PCDH11X: variants seen among roughly 807,000 people sequenced by gnomAD.
PCDH11X encodes the protein protocadherin-11 X-linked.
A neutral mutation model predicts 53.3 loss-of-function variants in PCDH11X; 18 were observed. The observed-to-expected ratio is 0.34, with a 90% CI of 0.23 to 0.50. The LOEUF is 0.50. PCDH11X is among the 20% of genes least tolerant of loss of function. The pLI is 0.98. For missense variants in PCDH11X, 570 were observed against 1,032.4 expected (o/e 0.55, Z 6.14); for synonymous variants, 279 against 393.3 (o/e 0.71, Z 3.44).
chrX:92,164,855 A>T (rs907422427), intron 6 of PCDH11X, among the ~76,000 whole-genome samples: 3 of 107,724 alleles, frequency 2.8e-5, no homozygotes, highest in African/African-American at 1.0e-4. Context: ...AATGAGTCTC[A>T]AGAGACCTGA....
intron 10 of PCDH11X, among the ~76,000 whole-genome samples, chrX:92,514,468 G>A (rs1415617976): frequency 1.8e-5 from 2 of 109,996 alleles, no homozygotes; most frequent in Non-Finnish European, 3.8e-5. Context: ...GGTGGCTCAC[G>A]CCAGTAATCC....
intron 6 of PCDH11X, among the ~76,000 whole-genome samples, chrX:91,914,348 A>G (rs1393369456): frequency 9.0e-6 from 1 of 111,436 alleles, no homozygotes; most frequent in Non-Finnish European, 1.9e-5. Context: ...ACGGTTCTAT[A>G]ACACCCCCAA....
chrX:92,403,454 G>A (rs753284549), intron 9 of PCDH11X, among the ~76,000 whole-genome samples: 11 of 101,731 alleles, frequency 1.1e-4, no homozygotes, highest in East Asian at 6.3e-4. Flanking sequence ...TAAATATCTC[G>A]TTTAGTCTGC....
intron 8 of PCDH11X, among the ~76,000 whole-genome samples, chrX:92,311,947 T>C (rs2068960142): frequency 8.9e-6 from 1 of 111,737 alleles, no homozygotes; most frequent in Admixed American, 9.5e-5. Context: ...TATGACTTTT[T>C]AGAAAAGAAA....
At chrX:92,504,041 C>CAAAA (rs763047477) in intron 10 of PCDH11X, among the ~76,000 whole-genome samples, 7 of 23,069 alleles carry the variant, frequency 3.0e-4, no homozygotes, top group Non-Finnish European at 4.2e-4. Context: ...CACCCAAGAT[C>CAAAA]AAAAAAAAAA....
At chrX:91,826,524 A>G (rs1467184228) in intron 4 of PCDH11X, among the ~76,000 whole-genome samples, 1 of 77,838 alleles carries the variant, frequency 1.3e-5, no homozygotes, top group Non-Finnish European at 2.4e-5. Context: ...AGGTAAACTC[A>G]TGCCACAGGA....
chrX:92,238,682 A>C (rs2067212231), intron 7 of PCDH11X, among the ~76,000 whole-genome samples: 1 of 111,943 alleles, frequency 8.9e-6, no homozygotes, highest in Admixed American at 9.6e-5. Context: ...ATGGCTGTCT[A>C]GACTGGCAAA....
intron 5 of PCDH11X, among the ~76,000 whole-genome samples, chrX:91,863,937 G>C (rs1230734288): frequency 9.0e-6 from 1 of 111,607 alleles, no homozygotes; most frequent in Non-Finnish European, 1.9e-5. Context: ...TTTTGTTGCC[G>C]TACTGACTAT....
Position 92,563,362 on chromosome X carries a change from T to A in PCDH11X, c.3368-54902T>A, listed in dbSNP as rs773077790. On this transcript the variant is annotated intron_variant, in intron 10 of 10. Transcript: ENST00000682573. ...ATGGCACCAAGAAGGATGGTGTTAA[T>A]CCTTTTATGAGAAATCTTCCCCCAT... is the stretch of plus-strand genomic sequence containing the variant. Among the ~76,000 whole-genome samples, 19 of 108,418 alleles carry A rather than the reference T, an allele frequency of 1.8e-4. 1 individual carries two copies. Among genetic ancestry groups the A allele is most frequent in the Admixed American group, 1.5e-3 (15 of 9,978 alleles). The allele number at this position is 108,418 out of a possible 115,157, so 94.1% of individuals were successfully genotyped here. A position where few individuals can be genotyped will look rare whatever the true frequency, so the allele number is the denominator to read the frequency against.
intron 6 of PCDH11X, among the ~76,000 whole-genome samples, chrX:92,032,518 T>G (rs1432652995): frequency 1.8e-5 from 2 of 110,997 alleles, no homozygotes; most frequent in African/African-American, 6.6e-5. Flanking sequence ...CAGTGCTATG[T>G]TGAATAACAA....
intron 8 of PCDH11X, among the ~76,000 whole-genome samples, chrX:92,299,032 G>T (rs184737454): frequency 9.3e-4 from 104 of 111,510 alleles, no homozygotes; most frequent in African/African-American, 3.1e-3. Flanking sequence ...GGGTCTAGCT[G>T]CTGGGGTGAT....
At chrX:92,488,583 A>T (rs1287461856) in intron 10 of PCDH11X, among the ~76,000 whole-genome samples, 1 of 110,843 alleles carries the variant, frequency 9.0e-6, no homozygotes, top group Non-Finnish European at 1.9e-5. Flanking sequence ...TATTTTTATT[A>T]TATACCTGTA....
At chrX:92,160,136 A>T in intron 6 of PCDH11X, among the ~76,000 whole-genome samples, 1 of 105,509 alleles carries the variant, frequency 9.5e-6, no homozygotes, top group Admixed American at 1.0e-4. Flanking sequence ...GGCTGTCTCT[A>T]CTGGCCAGCT....
intron 10 of PCDH11X, among the ~76,000 whole-genome samples, chrX:92,471,730 G>A (rs1352996583): frequency 2.9e-5 from 3 of 102,514 alleles, no homozygotes; most frequent in Non-Finnish European, 6.0e-5. Context: ...TCTCACCACC[G>A]GTGGATAAGT....
At chrX:92,589,378 A>G (rs1311379010) in intron 10 of PCDH11X, among the ~76,000 whole-genome samples, 1 of 111,886 alleles carries the variant, frequency 8.9e-6, no homozygotes, top group Non-Finnish European at 1.9e-5. Context: ...TAATTTAGCA[A>G]CTTTTCAAGA....
chrX:92,387,484 G>T, intron 8 of PCDH11X: 1 of 198,427 alleles, frequency 5.0e-6, no homozygotes, highest in Non-Finnish European at 7.6e-6. Context: ...TCTTGCTTTA[G>T]AACAAGTTTA....
chrX:92,442,826 C>A (rs1369707897), intron 9 of PCDH11X, among the ~76,000 whole-genome samples: 2 of 110,785 alleles, frequency 1.8e-5, no homozygotes, highest in African/African-American at 6.6e-5. Flanking sequence ...TGATGGGCAC[C>A]TAGGTTGATT....
intron 1 of PCDH11X, among the ~76,000 whole-genome samples, chrX:91,785,443 A>T (rs1016670968): frequency 1.4e-4 from 15 of 110,539 alleles, no homozygotes; most frequent in Non-Finnish European, 2.8e-4. Flanking sequence ...TTCTGTGTGT[A>T]TGGTAAAGGT....
intron 10 of PCDH11X, among the ~76,000 whole-genome samples, chrX:92,608,785 A>G (rs1395625560): frequency 1.8e-5 from 2 of 111,057 alleles, no homozygotes; most frequent in Admixed American, 1.9e-4. Flanking sequence ...AAATTCACTC[A>G]TGTTCTATAG....
Sources: allele counts gnomAD v4.1 joint callset (sites outside exome capture counted in the v4.1 genomes callset), GRCh38; gene constraint gnomAD v4.1.1; transcripts MANE v1.5; gene names NCBI Gene and HGNC (gene_info 2026-07-23, HGNC 2026-07-21).